Variants in ZNF662 observed in about 807,000 individuals in gnomAD.
ZNF662 encodes zinc finger protein 662.
ZNF662 carries 14 observed loss-of-function variants against 12.4 expected under a neutral mutation model. The observed-to-expected ratio is 1.13, with a 90% confidence interval of 0.75 to 1.77. The LOEUF is 1.77. Ranked by LOEUF, ZNF662 falls within the 40% of genes most tolerant of loss-of-function variation. ZNF662 has a pLI of 0.00. For synonymous variants in ZNF662, 184 were observed against 176.4 expected (o/e 1.04, Z -0.34); for missense variants, 550 against 515.6 (o/e 1.07, Z -0.65).
intron 3 of ZNF662, among the ~76,000 whole-genome samples, chr3:42,912,458 A>G (rs2088814368): frequency 1.2e-5 from 1 of 83,176 alleles, no homozygotes; most frequent in Non-Finnish European, 2.1e-5. Context: ...TATATATTAT[A>G]TGTTATAATA....
chr3:42,919,270 T>C lies in ZNF662; in HGVS notation c.*3916T>C, dbSNP rs1274819396. On this transcript the variant is annotated 3_prime_UTR_variant, in exon 5 of 5. Coordinates refer to ENST00000440367, the MANE Select transcript of ZNF662 (RefSeq NM_207404.4). ...TTGAAACATAATTTCTCTCCAGTTC[T>C]CATTTTTGTTAAAAATAAATCATGA... is the stretch of plus-strand genomic sequence containing the variant. Among the ~76,000 whole-genome samples the C allele has an allele frequency of 6.6e-6, 1 of 152,264 alleles. No individual in the cohort carries two copies. Among genetic ancestry groups the C allele is most frequent in the Non-Finnish European group, 1.5e-5 (1 of 68,054 alleles).
Position 42,915,542 on chromosome 3 carries a change from A to G in ZNF662, c.*188A>G, listed in dbSNP as rs2088889211. ...CTGTTCTATGATGTTTTAACAAGGC[A>G]TCATTTAGTTGGGCAGCTACTCTGT... On this transcript the variant is annotated 3_prime_UTR_variant, in exon 5 of 5. Transcript: ENST00000440367. 1.8e-6 allele frequency: 1 copy of G among 567,444 alleles called. No homozygotes were observed. Among genetic ancestry groups the G allele is most frequent in the South Asian group, 3.0e-5 (1 of 33,476 alleles). 35.2% of individuals were successfully genotyped at this position (567,444 alleles called of 1,614,324 possible). A position where few individuals can be genotyped will look rare whatever the true frequency, so the allele number is the denominator to read the frequency against.
chr3:42,907,943 C>T (rs1476067768), intron 1 of ZNF662, 79 bp from the exon 2 acceptor site: 2 of 1,559,024 alleles, frequency 1.3e-6, no homozygotes, highest in Admixed American at 1.9e-5. Flanking sequence ...CCCCACAGTA[C>T]CTTTTGATGC....
chr3:42,912,673 AT>A, intron 3 of ZNF662, among the ~76,000 whole-genome samples: 2 of 22,620 alleles, frequency 8.8e-5, no homozygotes, highest in Non-Finnish European at 2.1e-4. Flanking sequence ...TATATTTTTT[AT>A]ATATATAAAT....
rs1345019739 is a variant in ZNF662, at chr3:42,917,153, TC to T, written c.*1803del. The T allele has an allele frequency of 1.1e-5, 3 of 277,726 alleles. No individual in the cohort carries two copies. Among genetic ancestry groups the T allele is most frequent in the Non-Finnish European group, 2.0e-5 (3 of 151,472 alleles). The allele number at this position is 277,726 out of a possible 1,614,324, so 17.2% of individuals were successfully genotyped here. A position where few individuals can be genotyped will look rare whatever the true frequency, so the allele number is the denominator to read the frequency against. On this transcript the variant is annotated 3_prime_UTR_variant, in exon 5 of 5. Coordinates refer to ENST00000440367, the MANE Select transcript of ZNF662 (RefSeq NM_207404.4). ...TCTTTTATTGGTTTCCATCATCTCTTCCCCTTCTCTCTGGGAACAGTTACCC... is the reference window on the plus strand; with the variant it reads ...TCTTTTATTGGTTTCCATCATCTCTTCCCTTCTCTCTGGGAACAGTTACCC...
chr3:42,910,394 T>C (rs2088769643), intron 3 of ZNF662, among the ~76,000 whole-genome samples: 2 of 152,138 alleles, frequency 1.3e-5, no homozygotes, highest in African/African-American at 4.8e-5. Context: ...TTATATCTTC[T>C]TGAGTTCTTG....
Position 42,915,240 on chromosome 3 carries a change from A to C in ZNF662, c.1167A>C (p.Lys389Asn). 2 of 1,614,128 alleles carry C rather than the reference A, an allele frequency of 1.2e-6. No individual in the cohort carries two copies. Among genetic ancestry groups the C allele is most frequent in the Non-Finnish European group, 1.7e-6 (2 of 1,180,018 alleles). The part of the protein sequence containing the change: ...QRIHTGERPY[K>N]CNDCGKAFSQ... The stretch of plus-strand genomic sequence containing the variant: ...TCCATACTGGGGAAAGACCCTATAA[A>C]TGTAATGACTGTGGGAAGGCCTTCA... The change falls in exon 5 of 5, where the codon AAA becomes AAC. Residue 389 changes from lysine (K) to asparagine (N), a missense_variant. By Grantham distance (94) the Lys-to-Asn change is moderately conservative. Transcript: ENST00000440367.
At position 42,914,538 on chromosome 3, in the gene ZNF662, A is replaced by G. The variant is rs779377510; in HGVS notation, c.465A>G (p.Ile155Met). ...TGGAAAGTTCTACAAATGATATTAT[A>G]GAAGTGATTGTCAAGGATGAGATGA... ...GRMESSTNDI[I>M]EVIVKDEMIS... The change falls in exon 5 of 5, where the codon ATA becomes ATG. Residue 155 changes from isoleucine to methionine, a missense_variant. Physicochemically the swap from Ile to Met is conservative, Grantham distance 10. Coordinates refer to ENST00000440367, the MANE Select transcript of ZNF662 (RefSeq NM_207404.4). The G allele has an allele frequency of 6.2e-7, 1 of 1,614,188 alleles. No individual in the cohort carries two copies.
intron 3 of ZNF662, among the ~76,000 whole-genome samples, chr3:42,911,090 T>C (rs1256218949): frequency 6.6e-6 from 1 of 152,186 alleles, no homozygotes; most frequent in African/African-American, 2.4e-5. Context: ...CTGGCAGGCC[T>C]TCCTTAGGCT....
chr3:42,913,849 A>G (rs1001466598), intron 4 of ZNF662, among the ~76,000 whole-genome samples: 2 of 152,104 alleles, frequency 1.3e-5, no homozygotes, highest in African/African-American at 4.8e-5. Context: ...TTGGATTGAA[A>G]GAGAAGACTA....
At position 42,917,313 on chromosome 3, in the gene ZNF662, G is replaced by A. The variant is rs2088904892; in HGVS notation, c.*1959G>A. On this transcript the variant is annotated 3_prime_UTR_variant, in exon 5 of 5. Coordinates refer to ENST00000440367, the MANE Select transcript of ZNF662 (RefSeq NM_207404.4). ...TGGCCACAGAGCCATTGTGATATGAGGAGATACTGGCTCTTCTGGAAAAGA... is the reference window on the plus strand; with the variant it reads ...TGGCCACAGAGCCATTGTGATATGAAGAGATACTGGCTCTTCTGGAAAAGA... 3 of 594,560 alleles carry A rather than the reference G, an allele frequency of 5.0e-6. No homozygotes were observed. The allele number at this position is 594,560 out of a possible 1,614,324, so 36.8% of individuals were successfully genotyped here. A position where few individuals can be genotyped will look rare whatever the true frequency, so the allele number is the denominator to read the frequency against.
At chr3:42,911,470 C>T (rs2088789027) in intron 3 of ZNF662, among the ~76,000 whole-genome samples, 1 of 152,164 alleles carries the variant, frequency 6.6e-6, no homozygotes, top group South Asian at 2.1e-4. Context: ...CTTTGCTTTT[C>T]TTTGCTTTAG....
intron 3 of ZNF662, among the ~76,000 whole-genome samples, chr3:42,909,234 C>G (rs971575034): frequency 6.6e-5 from 10 of 152,224 alleles, no homozygotes; most frequent in African/African-American, 2.4e-4. Flanking sequence ...GTTTGTGTCC[C>G]TGGGTACTTG....
intron 3 of ZNF662, among the ~76,000 whole-genome samples, chr3:42,912,666 AT>A (rs373223111): frequency 3.4e-4 from 9 of 26,150 alleles, no homozygotes; most frequent in South Asian, 2.0e-3. Context: ...ATATATATAT[AT>A]TTTTTATATA....
rs373231353 is a variant in ZNF662 at position 42,914,735 on chromosome 3, G to C, written c.662G>C (p.Gly221Ala). 63 of 1,614,092 alleles carry C rather than the reference G, an allele frequency of 3.9e-5. No individual in the cohort carries two copies. Among genetic ancestry groups the C allele is most frequent in the Non-Finnish European group, 5.3e-5 (63 of 1,180,040 alleles). The change falls in exon 5 of 5, where the codon GGA becomes GCA. Residue 221 changes from glycine to alanine, a missense_variant. Physicochemically the swap from Gly to Ala is moderately conservative, Grantham distance 60. Transcript: ENST00000440367. ...QKTHNGEKVY[G>A]CKECGKAFSF... Reference sequence around the variant, plus strand: ...ACTCATAATGGAGAGAAGGTCTATGGATGTAAGGAATGTGGGAAGGCTTTC... The same window carrying C: ...ACTCATAATGGAGAGAAGGTCTATGCATGTAAGGAATGTGGGAAGGCTTTC...
Position 42,908,079 on chromosome 3 carries a change from C to G in ZNF662, c.-36C>G. 1 of 1,614,208 alleles carries G rather than the reference C, an allele frequency of 6.2e-7. No individual in the cohort carries two copies. The highest frequency in any genetic ancestry group is 8.5e-7 in the Non-Finnish European group (1 of 1,180,028). ...CTTCTCTGAGAACGAATGGATCGGCCTGGGCCCTGCTCAGAGAGCCCTGTA... is the reference window on the plus strand; with the variant it reads ...CTTCTCTGAGAACGAATGGATCGGCGTGGGCCCTGCTCAGAGAGCCCTGTA... On this transcript the variant is annotated 5_prime_UTR_variant, in exon 2 of 5. Transcript: ENST00000440367.
rs965597101 is a variant in ZNF662 at position 42,918,842 on chromosome 3, G to C, written c.*3488G>C. 6.6e-6 allele frequency among the ~76,000 whole-genome samples: 1 copy of C among 152,076 alleles called. No homozygotes were observed. Among genetic ancestry groups the C allele is most frequent in the African/African-American group, 2.4e-5 (1 of 41,392 alleles). The stretch of plus-strand genomic sequence containing the variant: ...TGAGAAGAGACAAACCAGGTTATTA[G>C]AAGACAATCAAAATGAAACAAAGCG... On this transcript the variant is annotated 3_prime_UTR_variant, in exon 5 of 5. Transcript: ENST00000440367.
intron 2 of ZNF662, 115 bp from the exon 3 acceptor site, chr3:42,908,678 C>A: frequency 6.8e-7 from 1 of 1,473,064 alleles, no homozygotes. Flanking sequence ...CTTGTTCTTC[C>A]TAGTTATTTC....
In ZNF662 at chr3:42,917,949, A is replaced by G. The variant is rs1278416873; in HGVS notation, c.*2595A>G. ...TAGAGAGACCCCGTCTCTACTAAAAATACAAAATTAGCCAGGTGTGGTGGC... is the reference window on the plus strand; with the variant it reads ...TAGAGAGACCCCGTCTCTACTAAAAGTACAAAATTAGCCAGGTGTGGTGGC... On this transcript the variant is annotated 3_prime_UTR_variant, in exon 5 of 5. Transcript: ENST00000440367. Among the ~76,000 whole-genome samples, 1 of 152,242 alleles carries G rather than the reference A, an allele frequency of 6.6e-6. No individual in the cohort carries two copies. Among genetic ancestry groups the G allele is most frequent in the Non-Finnish European group, 1.5e-5 (1 of 68,044 alleles).
Sources: gnomAD v4.1 joint callset for allele counts (sites outside exome capture counted in the v4.1 genomes callset) on GRCh38, gnomAD v4.1.1 for gene constraint, MANE v1.5 for transcripts, NCBI Gene and HGNC (gene_info 2026-07-23, HGNC 2026-07-21) for gene names.